The following FRMPD4 variants were observed in gnomAD, a reference collection of about 807,000 sequenced individuals.
FRMPD4 encodes the protein FERM and PDZ domain containing 4.
FRMPD4 carries 22 observed loss-of-function variants against 94.1 expected under a neutral mutation model. The ratio of observed to expected loss-of-function variants is 0.23; its 90% CI spans 0.17 to 0.33. The LOEUF is 0.33. Among genes scored for constraint, FRMPD4 ranks in the 10% least tolerant of loss-of-function variants. The pLI is 1.00. For synonymous variants in FRMPD4, 631 were observed against 548.6 expected (o/e 1.15, Z -2.10); for missense variants, 1,111 against 1,339.9 (o/e 0.83, Z 2.67).
intron 1 of FRMPD4, among the ~76,000 whole-genome samples, chrX:11,841,435 C>T (rs1440006473): frequency 2.8e-5 from 3 of 107,403 alleles, no homozygotes; most frequent in Non-Finnish European, 3.9e-5. Context: ...TAATGATTGC[C>T]GTTCTAACTG....
At position 12,582,785 on chromosome X, in the gene FRMPD4, C is replaced by T. The variant is rs116536205; in HGVS notation, c.159-26936C>T. ...AAGCAGCCCAGTGCTGTCAGCCAAC[C>T]AAGAGACACAGGTGCTGGCTGTTGG... On this transcript the variant is annotated intron_variant, in intron 2 of 16. Transcript: ENST00000675598. Among the ~76,000 whole-genome samples, 460 of 112,147 alleles carry T rather than the reference C, an allele frequency of 4.1e-3. 5 individuals carry two copies. Among genetic ancestry groups the T allele is most frequent in the African/African-American group, 0.015 (451 of 30,862 alleles).
At chrX:12,331,884 AT>A (rs1210747919) in intron 1 of FRMPD4, among the ~76,000 whole-genome samples, 9 of 18,268 alleles carry the variant, frequency 4.9e-4, no homozygotes, top group East Asian at 3.5e-3. Flanking sequence ...CTATATATAA[AT>A]TATATATATT....
At chrX:11,848,785 T>C (rs1188253768) in intron 1 of FRMPD4, among the ~76,000 whole-genome samples, 1 of 111,219 alleles carries the variant, frequency 9.0e-6, no homozygotes. Context: ...TGGTCTTTCA[T>C]ATTCCCCTGT....
At chrX:12,492,951 A>G (rs748661887) in intron 1 of FRMPD4, among the ~76,000 whole-genome samples, 2 of 111,598 alleles carry the variant, frequency 1.8e-5, no homozygotes, top group South Asian at 7.6e-4. Context: ...GAATGAAAAG[A>G]CCTGGTTAGC....
chrX:12,316,183 G>T (rs764390653), intron 1 of FRMPD4, among the ~76,000 whole-genome samples: 1 of 111,536 alleles, frequency 9.0e-6, no homozygotes, highest in South Asian at 3.8e-4. Flanking sequence ...GTCTCGTTCT[G>T]TTGCCCAGGC....
intron 1 of FRMPD4, among the ~76,000 whole-genome samples, chrX:12,234,897 G>A (rs2057054581): frequency 9.0e-6 from 1 of 111,606 alleles, no homozygotes; most frequent in African/African-American, 3.3e-5. Context: ...AAAACTTTTG[G>A]GGATTCATCT....
chrX:12,443,434 C>T (rs1247767826), intron 1 of FRMPD4, among the ~76,000 whole-genome samples: 1 of 111,737 alleles, frequency 8.9e-6, no homozygotes, highest in Non-Finnish European at 1.9e-5. Context: ...AAATACTGTA[C>T]ATTCTTTTTA....
chrX:12,536,066 G>GATAT (rs10539431), intron 2 of FRMPD4, among the ~76,000 whole-genome samples: 8 of 95,173 alleles, frequency 8.4e-5, no homozygotes, highest in East Asian at 6.4e-4. Flanking sequence ...AATATATAAG[G>GATAT]ATATATATAT....
intron 3 of FRMPD4, among the ~76,000 whole-genome samples, chrX:11,942,228 C>CT (rs560019319): frequency 0.015 from 1,156 of 79,091 alleles, 23 homozygotes; most frequent in African/African-American, 0.034. Context: ...TTTTTCTTTC[C>CT]TTTTTTTTTT....
intron 3 of FRMPD4, among the ~76,000 whole-genome samples, chrX:11,968,460 A>T (rs1325569280): frequency 9.0e-6 from 1 of 111,596 alleles, no homozygotes; most frequent in Non-Finnish European, 1.9e-5. Flanking sequence ...GTGGTTCAGT[A>T]GTGGCAGCCT....
chrX:12,345,033 C>A (rs1217925608), intron 1 of FRMPD4, among the ~76,000 whole-genome samples: 1 of 112,083 alleles, frequency 8.9e-6, no homozygotes, highest in Non-Finnish European at 1.9e-5. Flanking sequence ...CCCAATCAGG[C>A]ATTCAGTGGG....
chrX:12,136,882 T>C (rs1479202811), upstream of FRMPD4, among the ~76,000 whole-genome samples: 2 of 99,310 alleles, frequency 2.0e-5, no homozygotes, highest in Admixed American at 2.3e-4. Flanking sequence ...TTATGTGATC[T>C]ACGTTAAAAC....
intron 3 of FRMPD4, among the ~76,000 whole-genome samples, chrX:11,991,795 A>C (rs142689959): frequency 8.9e-6 from 1 of 112,379 alleles, no homozygotes; most frequent in Non-Finnish European, 1.9e-5. Context: ...GTAAACTAAG[A>C]TACATACTTT....
At position 12,474,020 on chromosome X, in the gene FRMPD4, C is replaced by T. The variant is rs1386385658; in HGVS notation, c.42-24660C>T. On this transcript the variant is annotated intron_variant, in intron 1 of 16. Coordinates refer to ENST00000675598, the MANE Select transcript of FRMPD4 (RefSeq NM_001368397.1). ...AAATCAACAGAATATACATTCTTTT[C>T]AGCACCACACCACACCTATTCCAAA... 2.7e-5 allele frequency among the ~76,000 whole-genome samples: 3 copies of T among 110,154 alleles called. 1 individual carries two copies. Among genetic ancestry groups the T allele is most frequent in the African/African-American group, 1.0e-4 (3 of 29,040 alleles).
chrX:12,322,601 C>T (rs774536435), intron 1 of FRMPD4, among the ~76,000 whole-genome samples: 2 of 110,300 alleles, frequency 1.8e-5, no homozygotes, highest in Middle Eastern at 4.8e-3. Context: ...CCTTGTAGGT[C>T]GTAGTTTGAG....
At chrX:12,522,426 A>G (rs1363229920) in intron 2 of FRMPD4, among the ~76,000 whole-genome samples, 1 of 111,242 alleles carries the variant, frequency 9.0e-6, no homozygotes, top group Non-Finnish European at 1.9e-5. Flanking sequence ...AGGGCTTTGA[A>G]GGACCACATA....
At chrX:11,849,067 C>G (rs138112016) in intron 1 of FRMPD4, among the ~76,000 whole-genome samples, 1 of 111,628 alleles carries the variant, frequency 9.0e-6, no homozygotes, top group African/African-American at 3.2e-5. Context: ...CCTAAAGATT[C>G]TATGAGAAAG....
chrX:12,309,336 A>AT (rs1387539378), intron 1 of FRMPD4, among the ~76,000 whole-genome samples: 1 of 104,003 alleles, frequency 9.6e-6, no homozygotes, highest in Non-Finnish European at 2.0e-5. Context: ...AGACGTTAAA[A>AT]TTTAAACCAC....
intron 1 of FRMPD4, among the ~76,000 whole-genome samples, chrX:12,149,867 C>T (rs1336009457): frequency 1.8e-5 from 2 of 111,898 alleles, no homozygotes; most frequent in African/African-American, 6.5e-5. Flanking sequence ...CCACCCCAGC[C>T]TTCAGCAACC....
Sources: allele counts gnomAD v4.1 joint callset (sites outside exome capture counted in the v4.1 genomes callset), GRCh38; gene constraint gnomAD v4.1.1; transcripts MANE v1.5; gene names NCBI Gene and HGNC (gene_info 2026-07-23, HGNC 2026-07-21).